SLC8A1: variants seen among roughly 807,000 people sequenced by gnomAD.
The protein encoded by SLC8A1 is sodium/calcium exchanger 1.
Under a neutral mutation model 68.3 loss-of-function variants are expected in SLC8A1, and 18 were observed. That is an observed-to-expected ratio of 0.26 (90% CI 0.18 to 0.39). SLC8A1 has a LOEUF of 0.39. SLC8A1 is among the 10% of genes least tolerant of loss of function. The pLI is 1.00. For missense variants in SLC8A1, 985 were observed against 1,156.7 expected, an observed-to-expected ratio of 0.85 and a Z score of 2.15; for synonymous variants, 475 against 415.5, an observed-to-expected ratio of 1.14 and a Z score of -1.74.
At chr2:40,324,031 G>A (rs182103703) in intron 2 of SLC8A1, among the ~76,000 whole-genome samples, 6 of 151,702 alleles carry the variant, frequency 4.0e-5, no homozygotes, top group Non-Finnish European at 7.4e-5. Context: ...TTAAAGGTGG[G>A]GGGGGGGCTG....
chr2:40,325,719 G>A (rs2075742508), intron 2 of SLC8A1, among the ~76,000 whole-genome samples: 1 of 138,308 alleles, frequency 7.2e-6, no homozygotes, highest in Non-Finnish European at 1.5e-5. Context: ...GGATCACAAG[G>A]TCAGGAGATG....
At chr2:40,139,428 A>G (rs1476736495) in exon 7 of SLC8A1, 4 of 1,614,044 alleles carry the variant, frequency 2.5e-6, no homozygotes, top group Non-Finnish European at 3.4e-6. Flanking sequence ...AGTGCGACGA[A>G]CACGACTGCA....
chr2:40,273,893 G>A (rs1343045675), intron 2 of SLC8A1, among the ~76,000 whole-genome samples: 1 of 136,634 alleles, frequency 7.3e-6, no homozygotes, highest in Non-Finnish European at 1.5e-5. Flanking sequence ...CATTTTAGTT[G>A]AGATGTGCTG....
chr2:40,401,083 A>G (rs898606865), intron 2 of SLC8A1, among the ~76,000 whole-genome samples: 1 of 152,200 alleles, frequency 6.6e-6, no homozygotes, highest in African/African-American at 2.4e-5. Flanking sequence ...CACATTTATT[A>G]CTATTTTCCA....
chr2:40,138,763 A>T (rs531210856), intron 7 of SLC8A1, among the ~76,000 whole-genome samples: 2 of 152,232 alleles, frequency 1.3e-5, no homozygotes, highest in East Asian at 1.9e-4. Flanking sequence ...CTTACTCAGA[A>T]ATATGAGTAA....
chr2:40,302,940 T>C (rs536277562), intron 2 of SLC8A1, among the ~76,000 whole-genome samples: 2 of 152,258 alleles, frequency 1.3e-5, no homozygotes, highest in East Asian at 3.9e-4. Context: ...ATTCTAAAAC[T>C]AGGCCACAGG....
intron 2 of SLC8A1, chr2:40,254,405 T>TG (rs1491153973): frequency 1.2e-4 from 3 of 25,382 alleles, no homozygotes; most frequent in Non-Finnish European, 5.3e-4. Context: ...TGCTTTTTTG[T>TG]TTTTTTTTTT....
intron 2 of SLC8A1, chr2:40,337,230 T>C: frequency 3.7e-6 from 1 of 273,846 alleles, no homozygotes; most frequent in Non-Finnish European, 8.1e-6. Context: ...TTCACTGTTT[T>C]GAAATGGTAT....
intron 2 of SLC8A1, among the ~76,000 whole-genome samples, chr2:40,267,306 G>A (rs2149119882): frequency 6.6e-6 from 1 of 152,288 alleles, no homozygotes; most frequent in African/African-American, 2.4e-5. Context: ...AGGGACCTGT[G>A]CTGGGAAAAT....
At chr2:40,113,602 G>T (rs755095508) in exon 8 of SLC8A1, 4 of 152,588 alleles carry the variant, frequency 2.6e-5, no homozygotes, top group Non-Finnish European at 4.4e-5. Context: ...AATCAAAGAG[G>T]ACTAGACTGG....
chr2:40,374,330 G>A (rs1246775332), intron 2 of SLC8A1, among the ~76,000 whole-genome samples: 1 of 151,650 alleles, frequency 6.6e-6, no homozygotes, highest in Non-Finnish European at 1.5e-5. Context: ...CGGGAAATAT[G>A]GGGAGACCCT....
chr2:40,482,035 T>C (rs1160301185), intron 1 of SLC8A1, among the ~76,000 whole-genome samples: 2 of 152,210 alleles, frequency 1.3e-5, no homozygotes, highest in African/African-American at 4.8e-5. Context: ...ATTCTCTTTC[T>C]GGAGGTAAAG....
intron 2 of SLC8A1, among the ~76,000 whole-genome samples, chr2:40,325,859 C>G (rs13401840): frequency 6.7e-6 from 1 of 148,776 alleles, no homozygotes. Flanking sequence ...GACTGATATT[C>G]GATATTTCTT....
At chr2:40,363,455 T>C (rs1329932978) in intron 2 of SLC8A1, among the ~76,000 whole-genome samples, 1 of 152,088 alleles carries the variant, frequency 6.6e-6, no homozygotes, top group Non-Finnish European at 1.5e-5. Context: ...CCAAACTCAC[T>C]TGTGGAGCAC....
chr2:40,139,426 G>A (rs767425092), exon 7 of SLC8A1: 50 of 1,613,960 alleles, frequency 3.1e-5, no homozygotes, highest in Middle Eastern at 1.6e-4. Context: ...CAAGTGCGAC[G>A]AACACGACTG....
chr2:40,391,178 T>C (rs1019311297), intron 2 of SLC8A1, among the ~76,000 whole-genome samples: 7 of 37,678 alleles, frequency 1.9e-4, no homozygotes, highest in African/African-American at 1.6e-3. Context: ...TAGATGCGTG[T>C]GTGTATATAT....
chr2:40,216,786 C>T (rs1026910934), intron 2 of SLC8A1, among the ~76,000 whole-genome samples: 2 of 152,152 alleles, frequency 1.3e-5, no homozygotes, highest in Non-Finnish European at 2.9e-5. Context: ...TTTTTGTTGG[C>T]TGCATGAATG....
At chr2:40,410,005 G>GA (rs1157188499) in intron 2 of SLC8A1, among the ~76,000 whole-genome samples, 4 of 151,774 alleles carry the variant, frequency 2.6e-5, no homozygotes, top group African/African-American at 4.8e-5. Context: ...AGTGAGAAGG[G>GA]AAAAAAAGGG....
At chr2:40,320,690 G>C (rs2075078263) in intron 2 of SLC8A1, among the ~76,000 whole-genome samples, 1 of 152,120 alleles carries the variant, frequency 6.6e-6, no homozygotes, top group South Asian at 2.1e-4. Flanking sequence ...ATGTTAAATG[G>C]ATCATGGAAC....
Sources: gnomAD v4.1 joint callset for allele counts (sites outside exome capture counted in the v4.1 genomes callset) on GRCh38, gnomAD v4.1.1 for gene constraint, MANE v1.5 for transcripts, NCBI Gene and HGNC (gene_info 2026-07-23, HGNC 2026-07-21) for gene names.